The following ATP11C variants were observed in gnomAD, a reference collection of about 807,000 sequenced individuals.
ATP11C encodes the protein ATPase phospholipid transporting 11C (ATP11C blood group).
In ATP11C, 36 loss-of-function variants were observed where a neutral mutation model predicts 97.4. That is an observed-to-expected ratio of 0.37 (90% confidence interval 0.28 to 0.49). ATP11C has a LOEUF of 0.49. Among genes scored for constraint, ATP11C ranks in the 20% least tolerant of loss-of-function variants. The pLI, the probability that ATP11C is intolerant of heterozygous loss-of-function variation, is 0.98. For synonymous variants in ATP11C, 275 were observed against 290.9 expected (o/e 0.95, Z 0.56); for missense variants, 730 against 824.6 (o/e 0.89, Z 1.40).
chrX:139,835,981 C>T (rs113225625), intron 1 of ATP11C, among the ~76,000 whole-genome samples: 3,805 of 84,105 alleles, frequency 0.045, 108 homozygotes, highest in Non-Finnish European at 0.06. Flanking sequence ...GAGCTGAGAT[C>T]GCATCACTGC....
intron 19 of ATP11C, among the ~76,000 whole-genome samples, chrX:139,769,277 C>CATATAT (rs2082200047): frequency 2.9e-5 from 1 of 34,537 alleles, no homozygotes; most frequent in South Asian, 2.0e-3. Flanking sequence ...TTGGGGCAAA[C>CATATAT]ATACATATAT....
chrX:139,742,873 AAAAATATAT>A (rs1292284397), intron 26 of ATP11C, among the ~76,000 whole-genome samples: 128 of 26,372 alleles, frequency 4.9e-3, no homozygotes, highest in African/African-American at 0.012. Context: ...TTAAAAAAAA[AAAAATATAT>A]ATATATATAT....
At chrX:139,901,166 T>C (rs2084894106) in intron 1 of ATP11C, among the ~76,000 whole-genome samples, 2 of 111,636 alleles carry the variant, frequency 1.8e-5, no homozygotes, top group African/African-American at 6.5e-5. Context: ...AAGAGGGCCA[T>C]GGACACCTGG....
intron 1 of ATP11C, among the ~76,000 whole-genome samples, chrX:139,902,401 C>T (rs1798473847): frequency 9.0e-6 from 1 of 111,314 alleles, no homozygotes; most frequent in South Asian, 3.8e-4. Flanking sequence ...ATCTGGGGTT[C>T]ACACTGATAT....
intron 6 of ATP11C, 77 bp downstream of exon 6, chrX:139,804,394 T>C (rs1301924120): frequency 1.3e-6 from 1 of 756,074 alleles, no homozygotes; most frequent in African/African-American, 2.2e-5. Context: ...AATAAAAGAT[T>C]AGAGGGTGAT....
intron 1 of ATP11C, among the ~76,000 whole-genome samples, chrX:139,841,003 A>C (rs917495504): frequency 2.7e-5 from 3 of 111,915 alleles, no homozygotes; most frequent in African/African-American, 9.7e-5. Context: ...TTCCCCAAAA[A>C]TCTATGGAAA....
intron 1 of ATP11C, among the ~76,000 whole-genome samples, chrX:139,864,061 C>G (rs1000830188): frequency 9.0e-6 from 1 of 110,723 alleles, no homozygotes; most frequent in Non-Finnish European, 1.9e-5. Context: ...GAGCAAGACC[C>G]TGCCTCAAAA....
In ATP11C at chrX:139,819,438, G is replaced by A. The variant is rs755704426; in HGVS notation, c.148-11C>T. ...ATTCCAAAGTGTATACTGTAAGGGA[G>A]GAAGAAAAAAGAACACTGTTATGAA... On this transcript the variant is annotated splice_polypyrimidine_tract_variant and intron_variant, in intron 2 of 29. Coordinates refer to ENST00000682941, the MANE Select transcript of ATP11C (RefSeq NM_001353812.2). 6.0e-5 allele frequency: 57 copies of A among 956,291 alleles called. No homozygotes were observed. The highest frequency in any genetic ancestry group is 2.8e-4 in the Middle Eastern group (1 of 3,624). The allele number at this position is 956,291 out of a possible 1,213,427, so 78.8% of individuals were successfully genotyped here.
chrX:139,745,614 T>C lies in ATP11C; in HGVS notation c.2964+108A>G, dbSNP rs766973711. The C allele has an allele frequency of 3.1e-5, 26 of 850,856 alleles. No homozygotes were observed. The Admixed American group carries it at 5.6e-4, about 18-fold the overall frequency. 70.1% of individuals were successfully genotyped at this position (850,856 alleles called of 1,213,427 possible). A position where few individuals can be genotyped will look rare whatever the true frequency, so the allele number is the denominator to read the frequency against. On this transcript the variant is annotated intron_variant, in intron 25 of 29. Transcript: ENST00000682941. ...TAACTACTGTATCTTCAGAAAAAGT[T>C]TGTAAAATGATTACAGCTAGAGTAT...
rs2081271399 is a variant in ATP11C at position 139,727,509 on chromosome X, G to T, written c.*1457C>A. On this transcript the variant is annotated 3_prime_UTR_variant, in exon 30 of 30. Transcript: ENST00000682941. ...AAATTATGTTCTTTTCTAGAATTTA[G>T]AAAAAAATCATACCTAAACATTAAC... 1 of 110,862 alleles carries T rather than the reference G, an allele frequency of 9.0e-6. No individual in the cohort carries two copies. The highest frequency in any genetic ancestry group is 3.8e-4 in the South Asian group (1 of 2,648). The allele number at this position is 110,862 out of a possible 1,213,427, so 9.1% of individuals were successfully genotyped here. A position where few individuals can be genotyped will look rare whatever the true frequency, so the allele number is the denominator to read the frequency against.
intron 28 of ATP11C, among the ~76,000 whole-genome samples, chrX:139,732,831 G>A (rs1322835676): frequency 2.7e-5 from 3 of 110,839 alleles, no homozygotes; most frequent in African/African-American, 6.5e-5. Context: ...TATGCTTCTC[G>A]TTAAAATAAG....
chrX:139,826,443 G>T (rs2083531195), intron 2 of ATP11C, among the ~76,000 whole-genome samples: 2 of 111,054 alleles, frequency 1.8e-5, no homozygotes, highest in Non-Finnish European at 3.8e-5. Context: ...AAACTTTACG[G>T]TTTAAAGTAA....
intron 18 of ATP11C, among the ~76,000 whole-genome samples, chrX:139,782,227 T>C (rs759865722): frequency 9.3e-6 from 1 of 107,555 alleles, no homozygotes; most frequent in East Asian, 2.9e-4. Context: ...CCCTGGAGGC[T>C]GGGGCAGGAG....
chrX:139,798,164 A>T (rs982202524), intron 10 of ATP11C, 109 bp downstream of exon 10: 1 of 630,301 alleles, frequency 1.6e-6, no homozygotes, highest in African/African-American at 2.3e-5. Flanking sequence ...TTAAAATTGT[A>T]GTTGCTATTA....
At chrX:139,772,600 C>A (rs1469084569) in intron 19 of ATP11C, among the ~76,000 whole-genome samples, 1 of 112,002 alleles carries the variant, frequency 8.9e-6, no homozygotes, top group Non-Finnish European at 1.9e-5. Flanking sequence ...ACCATGGGAA[C>A]CCACCTCTTG....
At chrX:139,791,455 G>A (rs778410368) in intron 12 of ATP11C, among the ~76,000 whole-genome samples, 62 of 111,748 alleles carry the variant, frequency 5.5e-4, no homozygotes, top group African/African-American at 8.8e-4. Flanking sequence ...ATCTGGATAC[G>A]TTGAATCTCA....
In ATP11C at chrX:139,758,134, G is replaced by A. The variant is rs757179293; in HGVS notation, c.2641-267C>T. 2.0e-4 allele frequency among the ~76,000 whole-genome samples: 22 copies of A among 111,791 alleles called. 1 individual carries two copies. Among genetic ancestry groups the A allele is most frequent in the African/African-American group, 5.2e-4 (16 of 30,791 alleles). Reference sequence around the variant, plus strand: ...GCTGTCCTTCTTCCAGGAAATAAATGAGCTCCTCCAATATGAACACCTAAT... The same window carrying A: ...GCTGTCCTTCTTCCAGGAAATAAATAAGCTCCTCCAATATGAACACCTAAT... On this transcript the variant is annotated intron_variant, in intron 22 of 29. Coordinates refer to ENST00000682941, the MANE Select transcript of ATP11C (RefSeq NM_001353812.2).
chrX:139,897,830 G>A (rs1487505060), intron 1 of ATP11C, among the ~76,000 whole-genome samples: 11 of 109,852 alleles, frequency 1.0e-4, no homozygotes, highest in Non-Finnish European at 1.9e-4. Flanking sequence ...CTACTCAGGA[G>A]GCTGAGGTGG....
chrX:139,880,073 G>GA (rs964001338), intron 1 of ATP11C, among the ~76,000 whole-genome samples: 56 of 104,002 alleles, frequency 5.4e-4, no homozygotes, highest in African/African-American at 1.5e-3. Context: ...AAAAAGGAAA[G>GA]AAAAAAAAAA....
Sources: gnomAD v4.1 joint callset for allele counts (sites outside exome capture counted in the v4.1 genomes callset) on GRCh38, gnomAD v4.1.1 for gene constraint, MANE v1.5 for transcripts, NCBI Gene and HGNC (gene_info 2026-07-23, HGNC 2026-07-21) for gene names.